Variants in ECHDC1 observed in about 807,000 individuals in gnomAD.
ECHDC1 encodes the protein ethylmalonyl-CoA decarboxylase 1.
A neutral mutation model predicts 29.7 loss-of-function variants in ECHDC1; 29 were observed. That is an observed-to-expected ratio of 0.98 (90% CI 0.73 to 1.33). The LOEUF (loss-of-function observed/expected upper bound fraction) is 1.33, where lower values mean the gene tolerates loss of function less well. Ranked by LOEUF, ECHDC1 falls within the 40% of genes most tolerant of loss-of-function variation. ECHDC1 has a pLI of 0.00. For synonymous variants in ECHDC1, 126 were observed against 123.1 expected, an observed-to-expected ratio of 1.02 and a Z score of -0.15; for missense variants, 328 against 350.0, an observed-to-expected ratio of 0.94 and a Z score of 0.50.
intron 2 of ECHDC1, among the ~76,000 whole-genome samples, chr6:127,328,963 C>G (rs1283198058): frequency 3.9e-5 from 6 of 152,008 alleles, no homozygotes; most frequent in Non-Finnish European, 8.8e-5. Context: ...GGAGGCAGAG[C>G]TTGCAGTGAG....
intron 5 of ECHDC1, among the ~76,000 whole-genome samples, chr6:127,307,645 T>G (rs1393207928): frequency 8.9e-5 from 1 of 11,230 alleles, no homozygotes. Flanking sequence ...ATACTCTGTC[T>G]CAGAAAAAAA....
At chr6:127,302,572 G>C (rs1274029634) in intron 5 of ECHDC1, among the ~76,000 whole-genome samples, 1 of 151,778 alleles carries the variant, frequency 6.6e-6, no homozygotes, top group Admixed American at 6.6e-5. Flanking sequence ...GCTAATTTTT[G>C]TATTTTTAGT....
chr6:127,291,276 CTT>C (rs57066162), intron 5 of ECHDC1, among the ~76,000 whole-genome samples: 143 of 133,240 alleles, frequency 1.1e-3, no homozygotes, highest in Middle Eastern at 4.2e-3. Context: ...GCTCTTATAC[CTT>C]TTTTTTTTTT....
intron 5 of ECHDC1, among the ~76,000 whole-genome samples, chr6:127,310,507 A>G (rs1781816081): frequency 6.6e-6 from 1 of 152,206 alleles, no homozygotes; most frequent in African/African-American, 2.4e-5. Flanking sequence ...GGAAGTAGCA[A>G]GACAATTGGA....
rs376291341 is a variant in ECHDC1, at chr6:127,335,577, C to T, written c.-2-4547G>A. ...TTTAACTGTCATAACTTTATTCTTT[C>T]CCTTAATTTCAAATCTGTTATCGTC... On this transcript the variant is annotated intron_variant, in intron 1 of 5. Transcript: ENST00000454859. 7.9e-5 allele frequency among the ~76,000 whole-genome samples: 12 copies of T among 152,016 alleles called. No individual in the cohort carries two copies. In the East Asian group the frequency reaches 1.7e-3, roughly 22 times the overall value.
At chr6:127,326,439 G>C in intron 3 of ECHDC1, 1 of 403,072 alleles carries the variant, frequency 2.5e-6, no homozygotes, top group East Asian at 7.5e-5. Flanking sequence ...TAGATCTTTA[G>C]AGCAGTGTGA....
At position 127,342,471 on chromosome 6, in the gene ECHDC1, CAAGA is replaced by C; in HGVS notation, c.-3+861_-3+864del. ...TTCAGGCCAGAACCCAATAAAAAAT[CAAGA>C]AAGGATCGCCCGTTCTATTACTGCG... On this transcript the variant is annotated intron_variant, in intron 1 of 5. Coordinates refer to ENST00000454859, the MANE Select transcript of ECHDC1 (RefSeq NM_001002030.2). The C allele has an allele frequency of 9.2e-6, 12 of 1,308,272 alleles. No individual in the cohort carries two copies. The South Asian group carries it at 1.9e-4, about 20-fold the overall frequency. The allele number at this position is 1,308,272 out of a possible 1,614,324, so 81.0% of individuals were successfully genotyped here.
chr6:127,330,919 A>T lies in ECHDC1; in HGVS notation c.110T>A (p.Val37Glu). ...AGGAAACTGCTGAAGTGTTTTTTTC[A>T]CTTCTTCCTCATAAAATCCATGGGA... ...STSHGFYEEE[V>E]KKTLQQFPGG... The change falls in exon 2 of 6, where the codon GTG (valine) becomes GAG (glutamate). Residue 37 changes from valine to glutamate, a missense_variant. Coordinates refer to ENST00000454859, the MANE Select transcript of ECHDC1 (RefSeq NM_001002030.2). 6.2e-7 allele frequency: 1 copy of T among 1,614,148 alleles called. No homozygotes were observed. The highest frequency in any genetic ancestry group is 8.5e-7 in the Non-Finnish European group (1 of 1,180,012).
chr6:127,317,864 T>C (rs1782523493), intron 3 of ECHDC1: 1 of 152,204 alleles, frequency 6.6e-6, no homozygotes, highest in Non-Finnish European at 1.5e-5. Context: ...CCTTGATTAG[T>C]ACAGTAAGAT....
intron 5 of ECHDC1, among the ~76,000 whole-genome samples, chr6:127,295,163 G>C (rs1780497722): frequency 6.6e-6 from 1 of 152,004 alleles, no homozygotes; most frequent in South Asian, 2.1e-4. Flanking sequence ...TGGCCAGGCT[G>C]GTCTTGAACT....
chr6:127,334,448 G>C (rs1335908030), intron 1 of ECHDC1, among the ~76,000 whole-genome samples: 1 of 152,000 alleles, frequency 6.6e-6, no homozygotes, highest in African/African-American at 2.4e-5. Flanking sequence ...CATATAATCT[G>C]AATTAATACA....
chr6:127,322,303 T>C (rs1782899060), intron 3 of ECHDC1, among the ~76,000 whole-genome samples: 1 of 152,114 alleles, frequency 6.6e-6, no homozygotes, highest in African/African-American at 2.4e-5. Context: ...CAAGACTCTG[T>C]CTCAATAAAA....
chr6:127,328,900 G>A (rs191711454), intron 2 of ECHDC1, among the ~76,000 whole-genome samples: 142 of 152,142 alleles, frequency 9.3e-4, no homozygotes, highest in African/African-American at 3.3e-3. Context: ...GGTGGCAGGC[G>A]CCTGTAGTCC....
At chr6:127,315,509 T>C (rs373648275) in intron 4 of ECHDC1, 1 of 226,602 alleles carries the variant, frequency 4.4e-6, no homozygotes, top group South Asian at 6.0e-5. Flanking sequence ...CAGGGGTGTG[T>C]GAATACAAGG....
At chr6:127,315,967 T>C (rs1488386660) in intron 4 of ECHDC1, 1 of 470,808 alleles carries the variant, frequency 2.1e-6, no homozygotes, top group Non-Finnish European at 4.4e-6. Context: ...TCCTCTTTGC[T>C]TCTTTACCTA....
At chr6:127,325,167 C>A (rs2114658807) in intron 3 of ECHDC1, among the ~76,000 whole-genome samples, 1 of 152,306 alleles carries the variant, frequency 6.6e-6, no homozygotes, top group Non-Finnish European at 1.5e-5. Context: ...CTCAGAATCC[C>A]ATAACCCCAG....
At chr6:127,297,014 G>GA (rs1184987316) in intron 5 of ECHDC1, among the ~76,000 whole-genome samples, 6 of 147,304 alleles carry the variant, frequency 4.1e-5, no homozygotes, top group Admixed American at 2.7e-4. Context: ...GCCTCAAAAA[G>GA]AAAAAAAAAG....
Position 127,331,048 on chromosome 6 carries a change from G to A in ECHDC1, c.-2-18C>T. Reference sequence around the variant, plus strand: ...CGCCATTTCTGGAAAACAGAAATAAGTATGCGGTAGTATAGATGAATAGGC... The same window carrying A: ...CGCCATTTCTGGAAAACAGAAATAAATATGCGGTAGTATAGATGAATAGGC... On this transcript the variant is annotated intron_variant, in intron 1 of 5. Coordinates refer to ENST00000454859, the MANE Select transcript of ECHDC1 (RefSeq NM_001002030.2). 1.3e-6 allele frequency: 2 copies of A among 1,588,346 alleles called. No individual in the cohort carries two copies. Among genetic ancestry groups the A allele is most frequent in the Non-Finnish European group, 1.7e-6 (2 of 1,161,906 alleles).
Position 127,290,247 on chromosome 6 carries a change from G to T in ECHDC1, c.528C>A (p.Phe176Leu), listed in dbSNP as rs528839285. 15 of 1,613,252 alleles carry T rather than the reference G, an allele frequency of 9.3e-6. No individual in the cohort carries two copies. In the South Asian group the frequency reaches 1.6e-4, roughly 18 times the overall value. ...RLMTPESKIR[F>L]VHKEMGIIPS... Reference sequence around the variant, plus strand: ...GTATTATGCCCATCTCTTTGTGGACGAATCTGATCTTACTCTCTGGAGTCA... The same window carrying T: ...GTATTATGCCCATCTCTTTGTGGACTAATCTGATCTTACTCTCTGGAGTCA... The change falls in exon 6 of 6, where the codon TTC becomes TTA. Residue 176 changes from phenylalanine (F) to leucine (L), a missense_variant. By Grantham distance (22) the Phe-to-Leu change is conservative (BLOSUM62 0). Transcript: ENST00000454859.
Sources: allele counts gnomAD v4.1 joint callset (sites outside exome capture counted in the v4.1 genomes callset), GRCh38; gene constraint gnomAD v4.1.1; transcripts MANE v1.5; gene names NCBI Gene and HGNC (gene_info 2026-07-23, HGNC 2026-07-21).